The following SIPA1L1 variants were observed in gnomAD, a reference collection of about 807,000 sequenced individuals.
SIPA1L1 encodes the protein signal induced proliferation associated 1 like 1, also known as signal-induced proliferation-associated 1-like protein 1.
A neutral mutation model predicts 162.7 loss-of-function variants in SIPA1L1; 26 were observed. The observed-to-expected ratio is 0.16, with a 90% CI of 0.12 to 0.22. The LOEUF (loss-of-function observed/expected upper bound fraction) is 0.22. Among genes scored for constraint, SIPA1L1 ranks in the 10% least tolerant of loss-of-function variants. SIPA1L1 has a pLI of 1.00. For synonymous variants in SIPA1L1, 829 were observed against 837.4 expected, an observed-to-expected ratio of 0.99 and a Z score of 0.17; for missense variants, 1,874 against 2,241.0, an observed-to-expected ratio of 0.84 and a Z score of 3.31.
intron 14 of SIPA1L1, among the ~76,000 whole-genome samples, chr14:71,700,374 A>C (rs577976269): frequency 5.1e-4 from 78 of 152,324 alleles, no homozygotes; most frequent in African/African-American, 1.8e-3. Context: ...AAAAATAAAA[A>C]AGTAAAAGCA....
intron 2 of SIPA1L1, among the ~76,000 whole-genome samples, chr14:71,497,021 T>C (rs968826979): frequency 2.6e-5 from 4 of 151,758 alleles, no homozygotes; most frequent in Admixed American, 2.6e-4. Context: ...ATACAGAAAT[T>C]AGCTGGGCAT....
At chr14:71,687,489 A>C (rs953252012) in intron 13 of SIPA1L1, among the ~76,000 whole-genome samples, 1 of 152,218 alleles carries the variant, frequency 6.6e-6, no homozygotes, top group African/African-American at 2.4e-5. Context: ...AGGCTTTCAC[A>C]AGTGAAATTG....
intron 2 of SIPA1L1, among the ~76,000 whole-genome samples, chr14:71,434,262 G>A (rs1039521716): frequency 6.6e-6 from 1 of 151,964 alleles, no homozygotes; most frequent in African/African-American, 2.4e-5. Flanking sequence ...TGTCCTGTAT[G>A]TTTAGGTGCA....
intron 3 of SIPA1L1, among the ~76,000 whole-genome samples, chr14:71,527,268 C>T (rs1030954718): frequency 9.2e-5 from 14 of 152,206 alleles, no homozygotes; most frequent in African/African-American, 3.4e-4. Context: ...CTGCTTCAGC[C>T]TCCCAAATAG....
chr14:71,454,838 C>A (rs1357994236), intron 2 of SIPA1L1, among the ~76,000 whole-genome samples: 1 of 152,208 alleles, frequency 6.6e-6, no homozygotes, highest in Non-Finnish European at 1.5e-5. Flanking sequence ...AGCTCTGGCT[C>A]TGTCTACCCG....
chr14:71,562,220 A>G (rs543475915), intron 4 of SIPA1L1, among the ~76,000 whole-genome samples: 2 of 151,722 alleles, frequency 1.3e-5, no homozygotes, highest in African/African-American at 2.4e-5. Flanking sequence ...ATGACATCAG[A>G]AAAAAAATGA....
At chr14:71,395,303 C>T (rs2041095710) in intron 2 of SIPA1L1, among the ~76,000 whole-genome samples, 1 of 152,114 alleles carries the variant, frequency 6.6e-6, no homozygotes, top group African/African-American at 2.4e-5. Context: ...TACATAGGCT[C>T]ATACTATGAC....
intron 3 of SIPA1L1, among the ~76,000 whole-genome samples, chr14:71,518,772 G>A (rs753324499): frequency 7.2e-5 from 11 of 151,772 alleles, no homozygotes; most frequent in Non-Finnish European, 1.3e-4. Context: ...AAAACACTGT[G>A]TATTAGTCTG....
Position 71,565,370 on chromosome 14 carries a change from A to G in SIPA1L1, c.-302-22201A>G, listed in dbSNP as rs1339503185. On this transcript the variant is annotated intron_variant, in intron 4 of 23. Coordinates refer to ENST00000381232, the MANE Select transcript of SIPA1L1 (RefSeq NM_001386936.1). ...AAGTTATTTTCCTTATGTGCTCTTA[A>G]TTGCAGAGATACTGAATTTGGTTTT... Among the ~76,000 whole-genome samples, 3 of 152,218 alleles carry G rather than the reference A, an allele frequency of 2.0e-5. No homozygotes were observed. In the East Asian group the frequency reaches 5.8e-4, roughly 29 times the overall value.
At chr14:71,426,664 G>T (rs2043591413) in intron 2 of SIPA1L1, among the ~76,000 whole-genome samples, 1 of 151,570 alleles carries the variant, frequency 6.6e-6, no homozygotes, top group Non-Finnish European at 1.5e-5. Context: ...TAATTTTTTT[G>T]TATTTTTAGT....
At chr14:71,693,405 A>C (rs1472209353) in intron 13 of SIPA1L1, among the ~76,000 whole-genome samples, 2 of 152,170 alleles carry the variant, frequency 1.3e-5, no homozygotes. Flanking sequence ...AGGGTGAGGC[A>C]GAAGAATCAC....
intron 2 of SIPA1L1, among the ~76,000 whole-genome samples, chr14:71,510,295 TC>T (rs2051034694): frequency 6.7e-6 from 1 of 148,368 alleles, no homozygotes; most frequent in South Asian, 2.2e-4. Context: ...CAAACAATTC[TC>T]CTGCTTCAGC....
In SIPA1L1 at chr14:71,500,442, A is replaced by T. The variant is rs536241775; in HGVS notation, c.-464-12301A>T. ...AAGCGCAAATTAAAGCCACAGTTGT[A>T]TTATTATATTCTTACCAGTAGAACA... On this transcript the variant is annotated intron_variant, in intron 2 of 23. Transcript: ENST00000381232. Among the ~76,000 whole-genome samples, 3 of 152,334 alleles carry T rather than the reference A, an allele frequency of 2.0e-5. No individual in the cohort carries two copies. The East Asian group carries it at 5.8e-4, about 29-fold the overall frequency.
chr14:71,468,285 C>T (rs962682204), intron 2 of SIPA1L1, among the ~76,000 whole-genome samples: 12 of 152,050 alleles, frequency 7.9e-5, no homozygotes, highest in African/African-American at 2.4e-4. Flanking sequence ...TTCATTCTTG[C>T]GTTGCTATAA....
intron 2 of SIPA1L1, among the ~76,000 whole-genome samples, chr14:71,347,596 C>T (rs1460794236): frequency 6.6e-6 from 1 of 152,180 alleles, no homozygotes; most frequent in Non-Finnish European, 1.5e-5. Context: ...GACTGTTTTC[C>T]AAAGTGGCTG....
chr14:71,557,607 G>A (rs540859380), intron 4 of SIPA1L1, among the ~76,000 whole-genome samples: 21 of 152,174 alleles, frequency 1.4e-4, no homozygotes, highest in African/African-American at 3.6e-4. Flanking sequence ...CATTTGGATC[G>A]TTGCGAAAGT....
chr14:71,713,029 T>C (rs148346798), intron 17 of SIPA1L1, among the ~76,000 whole-genome samples: 203 of 152,282 alleles, frequency 1.3e-3, no homozygotes, highest in African/African-American at 4.5e-3. Flanking sequence ...ATGAGCATAA[T>C]AGATTGATAC....
intron 4 of SIPA1L1, among the ~76,000 whole-genome samples, chr14:71,551,802 A>G (rs2055859792): frequency 6.6e-6 from 1 of 152,050 alleles, no homozygotes; most frequent in African/African-American, 2.4e-5. Flanking sequence ...CTGTTTGCTC[A>G]TGTCCCAGAG....
intron 3 of SIPA1L1, among the ~76,000 whole-genome samples, chr14:71,520,391 ATTAT>A (rs1480548033): frequency 2.0e-5 from 3 of 152,314 alleles, no homozygotes; most frequent in East Asian, 3.9e-4. Flanking sequence ...GTTTTTGCTT[ATTAT>A]TTATTTTTAA....
Sources: allele counts gnomAD v4.1 joint callset (sites outside exome capture counted in the v4.1 genomes callset), GRCh38; gene constraint gnomAD v4.1.1; transcripts MANE v1.5; gene names NCBI Gene and HGNC (gene_info 2026-07-23, HGNC 2026-07-21).